DPH6: variants seen among roughly 807,000 people sequenced by gnomAD.
The protein encoded by DPH6 is diphthine--ammonia ligase.
In DPH6, 33 loss-of-function variants were observed where a neutral mutation model predicts 38.2. The ratio of observed to expected loss-of-function variants is 0.86; its 90% CI spans 0.65 to 1.15. The LOEUF is 1.15. Ranked by LOEUF, DPH6 falls within the 50% of genes most tolerant of loss-of-function variation. The pLI is 0.00. For synonymous variants in DPH6, 108 were observed against 103.0 expected (o/e 1.05, Z -0.30); for missense variants, 325 against 320.0 (o/e 1.02, Z -0.12).
chr15:35,279,060 A>ATATAT (rs1179889001), intron 3 of DPH6, among the ~76,000 whole-genome samples: 1 of 125,916 alleles, frequency 7.9e-6, no homozygotes, highest in South Asian at 2.5e-4. Flanking sequence ...AAAAAAAAAA[A>ATATAT]AAAAAAAAAT....
intron 3 of DPH6, among the ~76,000 whole-genome samples, chr15:35,529,493 C>T (rs2055054805): frequency 6.6e-6 from 1 of 152,122 alleles, no homozygotes; most frequent in Non-Finnish European, 1.5e-5. Flanking sequence ...CAGAGCCAAA[C>T]CCTATCAGAT....
chr15:35,358,774 T>C (rs1175376804), intron 3 of DPH6, among the ~76,000 whole-genome samples: 1 of 152,186 alleles, frequency 6.6e-6, no homozygotes, highest in African/African-American at 2.4e-5. Flanking sequence ...CAACACCTGT[T>C]CTGGTGGAGG....
chr15:35,536,837 C>A (rs1440840974), intron 3 of DPH6, among the ~76,000 whole-genome samples: 6 of 152,032 alleles, frequency 3.9e-5, no homozygotes, highest in Non-Finnish European at 8.8e-5. Flanking sequence ...TAATTGCACC[C>A]TTTTGGAGAT....
chr15:35,309,200 A>G (rs1275522138), intron 3 of DPH6, among the ~76,000 whole-genome samples: 1 of 152,230 alleles, frequency 6.6e-6, no homozygotes, highest in Non-Finnish European at 1.5e-5. Context: ...TCTAGCAGCT[A>G]GAATCAGAAA....
At chr15:35,243,518 G>A (rs222918) in intron 3 of DPH6, among the ~76,000 whole-genome samples, 102,605 of 138,698 alleles carry the variant, frequency 0.74, 39,870 homozygotes, top group Non-Finnish European at 0.84. Context: ...GTCCTGCCCC[G>A]CCTTAACTGA....
intron 3 of DPH6, among the ~76,000 whole-genome samples, chr15:35,289,412 C>T (rs2051964503): frequency 6.6e-6 from 1 of 152,316 alleles, no homozygotes; most frequent in Admixed American, 6.5e-5. Context: ...CCAAATGTCA[C>T]TGTCTAGATT....
At chr15:35,464,815 C>T (rs1457806984) in intron 3 of DPH6, among the ~76,000 whole-genome samples, 1 of 152,124 alleles carries the variant, frequency 6.6e-6, no homozygotes, top group African/African-American at 2.4e-5. Context: ...ACTAAAGTGT[C>T]AAGAACATAC....
chr15:35,467,624 C>A (rs943217857), intron 3 of DPH6, among the ~76,000 whole-genome samples: 1 of 152,128 alleles, frequency 6.6e-6, no homozygotes, highest in African/African-American at 2.4e-5. Flanking sequence ...ATGCATTAGC[C>A]TAACAGTGTC....
chr15:35,225,623 CT>C (rs2051475292), intron 3 of DPH6, among the ~76,000 whole-genome samples: 1 of 152,108 alleles, frequency 6.6e-6, no homozygotes, highest in Non-Finnish European at 1.5e-5. Flanking sequence ...CATATTGTAT[CT>C]TCTCTGCCCC....
At chr15:35,341,334 G>C (rs945640462) in intron 3 of DPH6, among the ~76,000 whole-genome samples, 2 of 152,004 alleles carry the variant, frequency 1.3e-5, no homozygotes, top group African/African-American at 4.8e-5. Context: ...GCTCAGTTAA[G>C]TTCATTATTA....
intron 3 of DPH6, among the ~76,000 whole-genome samples, chr15:35,298,031 C>T (rs1422906654): frequency 6.6e-6 from 1 of 152,102 alleles, no homozygotes; most frequent in Non-Finnish European, 1.5e-5. Flanking sequence ...CCAATCTTAT[C>T]TCTAACATTT....
At chr15:35,498,201 C>T (rs1375950546) in intron 3 of DPH6, among the ~76,000 whole-genome samples, 2 of 152,110 alleles carry the variant, frequency 1.3e-5, no homozygotes, top group Non-Finnish European at 2.9e-5. Context: ...TCACCATGTC[C>T]CTGAGTGCCA....
At chr15:35,152,944 G>A in the DPH6 span, among the ~76,000 whole-genome samples, 2 of 152,208 alleles carry the variant, frequency 1.3e-5, no homozygotes, top group Non-Finnish European at 1.5e-5. Flanking sequence ...TGTGACAACA[G>A]TGGTGTTTCT....
chr15:35,373,583 A>T lies in DPH6; in HGVS notation c.688T>A (p.Ser230Thr). The change falls in exon 8 of 9, where the codon TCA becomes ACA. Residue 230 changes from serine to threonine, a missense_variant. Transcript: ENST00000256538. The part of the protein sequence containing the change: ...IVDSSEVVIH[S>T]ADAFAPVAYL... ...GCCACAGGTGCAAATGCATCAGCTG[A>T]ATGTATGACTACTTCTGATGAATCC... The T allele has an allele frequency of 6.2e-7, 1 of 1,609,176 alleles. No homozygotes were observed. Among genetic ancestry groups the T allele is most frequent in the Non-Finnish European group, 8.5e-7 (1 of 1,177,610 alleles).
At chr15:35,490,057 T>C in intron 3 of DPH6, 2 of 985,386 alleles carry the variant, frequency 2.0e-6, no homozygotes, top group South Asian at 9.4e-5. Flanking sequence ...TACAAGACTA[T>C]TTGAGCAATT....
At chr15:35,429,071 C>T (rs1314590498) in intron 5 of DPH6, among the ~76,000 whole-genome samples, 2 of 152,084 alleles carry the variant, frequency 1.3e-5, no homozygotes, top group South Asian at 2.1e-4. Context: ...CAATTGTTTA[C>T]AGAATACTGC....
intron 3 of DPH6, among the ~76,000 whole-genome samples, chr15:35,283,422 G>A (rs1418194871): frequency 1.3e-5 from 2 of 151,732 alleles, no homozygotes; most frequent in African/African-American, 4.8e-5. Flanking sequence ...TCAGGTTCCC[G>A]AGCAGCTGGG....
chr15:35,527,110 T>A (rs996066234), intron 3 of DPH6, among the ~76,000 whole-genome samples: 1 of 152,096 alleles, frequency 6.6e-6, no homozygotes, highest in African/African-American at 2.4e-5. Context: ...ACTAATAAAG[T>A]CAAGAAAATT....
intron 3 of DPH6, among the ~76,000 whole-genome samples, chr15:35,279,062 AAAAAAAAT>A (rs1279490387): frequency 8.2e-6 from 1 of 122,018 alleles, no homozygotes; most frequent in African/African-American, 3.6e-5. Flanking sequence ...AAAAAAAAAA[AAAAAAAAT>A]ATATATATAT....
Sources: allele counts gnomAD v4.1 joint callset (sites outside exome capture counted in the v4.1 genomes callset), GRCh38; gene constraint gnomAD v4.1.1; transcripts MANE v1.5; gene names NCBI Gene and HGNC (gene_info 2026-07-23, HGNC 2026-07-21).